The following TET2 variants were observed in gnomAD, a reference collection of about 807,000 sequenced individuals.
TET2 encodes tet methylcytosine dioxygenase 2.
Under a neutral mutation model 142.9 loss-of-function variants are expected in TET2, and 299 were observed. The observed-to-expected ratio is 2.09, with a 90% CI of 1.90 to 2.30. TET2 has a LOEUF of 2.30. Among genes scored for constraint, TET2 ranks in the 30% most tolerant of loss-of-function variants. The pLI is 0.00. For synonymous variants in TET2, 819 were observed against 849.0 expected (o/e 0.96, Z 0.61); for missense variants, 2,418 against 2,378.0 (o/e 1.02, Z -0.35).
At chr4:105,241,688 A>G in intron 4 of TET2, 1 of 1,273,708 alleles carries the variant, frequency 7.9e-7, no homozygotes, top group Non-Finnish European at 1.0e-6. Context: ...ATGAACAGGA[A>G]TCGGCCAGCC....
chr4:105,175,950 TC>T (rs1326173133), intron 1 of TET2, among the ~76,000 whole-genome samples: 2 of 152,144 alleles, frequency 1.3e-5, no homozygotes, highest in Admixed American at 1.3e-4. Flanking sequence ...AGTGTACGAT[TC>T]TGGACCTTGC....
intron 9 of TET2, among the ~76,000 whole-genome samples, chr4:105,271,691 C>T (rs1730971585): frequency 1.3e-5 from 2 of 152,150 alleles, no homozygotes; most frequent in Non-Finnish European, 2.9e-5. Flanking sequence ...TTTTAGATCA[C>T]ATTAGATCAC....
At chr4:105,155,809 T>G (rs1356853074) in intron 1 of TET2, among the ~76,000 whole-genome samples, 1 of 152,220 alleles carries the variant, frequency 6.6e-6, no homozygotes, top group African/African-American at 2.4e-5. Flanking sequence ...TTTATATAAT[T>G]GTTATGATCA....
chr4:105,240,700 A>C, intron 3 of TET2: 1 of 1,080,058 alleles, frequency 9.3e-7, no homozygotes, highest in South Asian at 4.6e-5. Flanking sequence ...ACCCACCCCT[A>C]TCTTCCCACT....
At position 105,203,969 on chromosome 4, in the gene TET2, G is replaced by A. The variant is rs530444724; in HGVS notation, c.-47+13464G>A. ...TAATCGCAGCACTTTGGGAGGCCAA[G>A]GCGGGTAGATTACCTGAGGTCAGGA... On this transcript the variant is annotated intron_variant, in intron 2 of 10. Transcript: ENST00000380013. Among the ~76,000 whole-genome samples, 67 of 152,106 alleles carry A rather than the reference G, an allele frequency of 4.4e-4. 1 individual carries two copies. Among genetic ancestry groups the A allele is most frequent in the African/African-American group, 1.6e-3 (66 of 41,488 alleles).
rs553608050 is a variant in TET2, at chr4:105,224,143, G to T, written c.-46-9754G>T. 2.2e-3 allele frequency among the ~76,000 whole-genome samples: 323 copies of T among 149,958 alleles called. 1 individual carries two copies. The highest frequency in any genetic ancestry group is 7.4e-3 in the African/African-American group (303 of 40,768). ...TGTATTTTTTCTTAGAGCAATAAAA[G>T]ATATACCCCCACCTAGAAAAGCAAT... On this transcript the variant is annotated intron_variant, in intron 2 of 10. Coordinates refer to ENST00000380013, the MANE Select transcript of TET2 (RefSeq NM_001127208.3).
At chr4:105,237,674 A>G in intron 3 of TET2, 2 of 1,363,008 alleles carry the variant, frequency 1.5e-6, no homozygotes, top group Non-Finnish European at 1.9e-6. Context: ...TATCTCCTGG[A>G]GAGACAGCTA....
intron 2 of TET2, among the ~76,000 whole-genome samples, chr4:105,196,506 A>G (rs1270013545): frequency 2.0e-5 from 3 of 152,144 alleles, no homozygotes; most frequent in Non-Finnish European, 4.4e-5. Flanking sequence ...ATCAAACTCT[A>G]TGCTTGATAT....
intron 1 of TET2, among the ~76,000 whole-genome samples, chr4:105,189,758 T>C (rs1725678777): frequency 6.6e-6 from 1 of 152,198 alleles, no homozygotes; most frequent in Non-Finnish European, 1.5e-5. Flanking sequence ...ATGTCCAGTC[T>C]CTCCAGCTAA....
chr4:105,276,318 C>T lies in TET2; in HGVS notation c.5808C>T (p.Gly1936=), dbSNP rs1560574667. 1 of 1,551,540 alleles carries T rather than the reference C, an allele frequency of 6.4e-7. No individual in the cohort carries two copies. Among genetic ancestry groups the T allele is most frequent in the East Asian group, 2.4e-5 (1 of 40,912 alleles). ...AAGAGGAAGAGTGTGAAAAGTATGG[C>T]CCAGACTATGTGCCTCAGAAATCCC... ...REKEEECEKY[G]PDYVPQKSHG... is the part of the protein sequence containing the mutation. The change falls in exon 11 of 11, where the codon GGC becomes GGT. Residue 1936 remains glycine, a synonymous_variant. Coordinates refer to ENST00000380013, the MANE Select transcript of TET2 (RefSeq NM_001127208.3).
At chr4:105,261,928 C>T (rs1286636606) in intron 8 of TET2, 80 bp downstream of exon 8, 2 of 840,104 alleles carry the variant, frequency 2.4e-6, no homozygotes, top group East Asian at 2.7e-5. Context: ...ATTTTTGAAA[C>T]AATGATTTTT....
At chr4:105,191,281 C>T (rs1011201843) in intron 2 of TET2, among the ~76,000 whole-genome samples, 2 of 152,154 alleles carry the variant, frequency 1.3e-5, no homozygotes, top group Non-Finnish European at 1.5e-5. Flanking sequence ...TCAATTTGCT[C>T]TGAATGCCAT....
chr4:105,191,245 T>A (rs1725768983), intron 2 of TET2, among the ~76,000 whole-genome samples: 1 of 152,198 alleles, frequency 6.6e-6, no homozygotes, highest in Non-Finnish European at 1.5e-5. Flanking sequence ...TTTTTAATCA[T>A]GTTCTTATAA....
At position 105,259,628 on chromosome 4, in the gene TET2, C is replaced by T. The variant is rs533538484; in HGVS notation, c.3813C>T (p.Cys1271=). The T allele has an allele frequency of 5.3e-5, 82 of 1,550,354 alleles. No homozygotes were observed. In the Middle Eastern group the frequency reaches 1.0e-3, roughly 19 times the overall value. ...RRCALNEERT[C]ACQGLDPETC... is the part of the protein sequence containing the mutation. ...TCTTTTGATTTTTCAGGAGAACTTG[C>T]GCCTGTCAGGGGCTGGATCCAGAAA... Residue 1271 remains cysteine, a synonymous_variant, in exon 7 of 11, where the codon TGC becomes TGT. Transcript: ENST00000380013.
At position 105,278,781 on chromosome 4, in the gene TET2, T is replaced by TA. The variant is rs1309284607; in HGVS notation, c.*2264dup. On this transcript the variant is annotated 3_prime_UTR_variant, in exon 11 of 11. Coordinates refer to ENST00000380013, the MANE Select transcript of TET2 (RefSeq NM_001127208.3). Reference sequence around the variant, plus strand: ...ACTGAGTTGATAAAGGGAAAAATTGTAAGGCAGGAGTTTGGCAAGTGGCTG... The same window carrying TA: ...ACTGAGTTGATAAAGGGAAAAATTGTAAAGGCAGGAGTTTGGCAAGTGGCTG... The TA allele has an allele frequency of 5.6e-5, 13 of 232,954 alleles. No homozygotes were observed. The highest frequency in any genetic ancestry group is 8.5e-5 in the Non-Finnish European group (10 of 117,948). 14.4% of individuals were successfully genotyped at this position (232,954 alleles called of 1,614,324 possible). A position where few individuals can be genotyped will look rare whatever the true frequency, so the allele number is the denominator to read the frequency against.
chr4:105,272,623 G>C lies in TET2; in HGVS notation c.4242G>C (p.Gln1414His), dbSNP rs1731019298. The change falls in exon 10 of 11, where the codon CAG becomes CAC. Residue 1414 changes from glutamine (Q) to histidine (H), a missense_variant. By Grantham distance (24) the Gln-to-His change is conservative (BLOSUM62 0). Coordinates refer to ENST00000380013, the MANE Select transcript of TET2 (RefSeq NM_001127208.3). Reference protein sequence around the residue: ...REFGGKPEDEQLHVLPLYKVS... With the variant: ...REFGGKPEDEHLHVLPLYKVS... ...TTGGAGGAAAACCTGAGGATGAGCA[G>C]CTTCACGTTCTGCCTTTATACAAAG... 6.4e-7 allele frequency: 1 copy of C among 1,550,772 alleles called. No homozygotes were observed. The highest frequency in any genetic ancestry group is 8.7e-7 in the Non-Finnish European group (1 of 1,146,772).
Position 105,234,634 on chromosome 4 carries a change from CT to C in TET2, c.693del (p.Gln232AsnfsTer18). 1 of 1,614,108 alleles carries C rather than the reference CT, an allele frequency of 6.2e-7. No individual in the cohort carries two copies. The highest frequency in any genetic ancestry group is 2.2e-5 in the East Asian group (1 of 44,856). ...GGTGAACTCCTGGAAAAAACACTGT[CT>C]CAATATTATCCAGATTGTGTTTCCA... ...THGELLEKTL[S>X]QYYPDCVSIA... On this transcript the variant is annotated frameshift_variant, in exon 3 of 11. Transcript: ENST00000380013. LOFTEE classifies it high-confidence loss of function.
chr4:105,258,656 A>G (rs1730263338), intron 6 of TET2, among the ~76,000 whole-genome samples: 1 of 152,190 alleles, frequency 6.6e-6, no homozygotes, highest in African/African-American at 2.4e-5. Flanking sequence ...GAGTATTATT[A>G]TCTTTTGTTC....
chr4:105,238,078 G>A, intron 3 of TET2: 1 of 292,156 alleles, frequency 3.4e-6, no homozygotes, highest in Non-Finnish European at 6.0e-6. Context: ...CTCACTGTAT[G>A]TAAAAGTTAT....
Sources: gnomAD v4.1 joint callset for allele counts (sites outside exome capture counted in the v4.1 genomes callset) on GRCh38, gnomAD v4.1.1 for gene constraint, MANE v1.5 for transcripts, NCBI Gene and HGNC (gene_info 2026-07-23, HGNC 2026-07-21) for gene names.